The following C1orf105 variants were observed in gnomAD, a reference collection of about 807,000 sequenced individuals.
C1orf105 encodes the protein chromosome 1 open reading frame 105.
In C1orf105, 17 loss-of-function variants were observed where a neutral mutation model predicts 20.8. The observed-to-expected ratio is 0.82, with a 90% CI of 0.56 to 1.23. C1orf105 has a LOEUF of 1.23. C1orf105 is among the 50% of genes most tolerant of loss of function. The pLI is 0.00. For synonymous variants in C1orf105, 72 were observed against 72.1 expected (o/e 1.00, Z 0.01); for missense variants, 219 against 213.5 (o/e 1.03, Z -0.16).
At chr1:172,464,540 A>C (rs1649905726) in intron 5 of C1orf105, among the ~76,000 whole-genome samples, 1 of 152,196 alleles carries the variant, frequency 6.6e-6, no homozygotes, top group Admixed American at 6.5e-5. Flanking sequence ...CACCAGGAGA[A>C]ATAGGATGTG....
chr1:172,455,568 T>G (rs1649148284), intron 3 of C1orf105, among the ~76,000 whole-genome samples: 2 of 152,238 alleles, frequency 1.3e-5, no homozygotes, highest in East Asian at 1.9e-4. Context: ...AGTTCCTATA[T>G]GCTTCCTAAG....
At chr1:172,442,276 C>G in intron 1 of C1orf105, 1 of 1,613,744 alleles carries the variant, frequency 6.2e-7, no homozygotes, top group Non-Finnish European at 8.5e-7. Flanking sequence ...GTCAGCCCAC[C>G]GGGTCTGCCC....
intron 3 of C1orf105, among the ~76,000 whole-genome samples, chr1:172,455,618 C>A (rs1649152657): frequency 6.6e-6 from 1 of 152,146 alleles, no homozygotes; most frequent in Non-Finnish European, 1.5e-5. Context: ...CCTCCTGAAC[C>A]CAGGTGTAAA....
At chr1:172,434,754 A>G (rs528247731) in intron 1 of C1orf105, among the ~76,000 whole-genome samples, 91 of 152,376 alleles carry the variant, frequency 6.0e-4, no homozygotes, top group African/African-American at 2.0e-3. Context: ...AGATCAGAGC[A>G]GAACTGAAGG....
rs576944980 is a variant in C1orf105, at chr1:172,424,867, G to A, written c.21+3961G>A. On this transcript the variant is annotated intron_variant, in intron 1 of 6. Transcript: ENST00000367727. ...ATTTATTTTGCAACTTAAAAAGAGT[G>A]TGAGGCCCACAGTGTTCTCACTGAC... Among the ~76,000 whole-genome samples, 132 of 152,252 alleles carry A rather than the reference G, an allele frequency of 8.7e-4. 1 individual carries two copies. The highest frequency in any genetic ancestry group is 2.9e-3 in the African/African-American group (120 of 41,532).
intron 6 of C1orf105, among the ~76,000 whole-genome samples, chr1:172,467,421 A>T (rs945043603): frequency 3.3e-5 from 5 of 152,206 alleles, no homozygotes; most frequent in African/African-American, 1.2e-4. Flanking sequence ...TTTACAAGTG[A>T]TGCAGATTCC....
At chr1:172,445,245 A>G in intron 2 of C1orf105, 87 bp downstream of exon 2, 1 of 1,046,690 alleles carries the variant, frequency 9.6e-7, no homozygotes, top group Non-Finnish European at 1.4e-6. Context: ...CAATTATCAG[A>G]GGGCACATTT....
intron 3 of C1orf105, among the ~76,000 whole-genome samples, chr1:172,450,733 G>A (rs908143711): frequency 6.6e-6 from 1 of 152,184 alleles, no homozygotes; most frequent in African/African-American, 2.4e-5. Flanking sequence ...GAGCAGCCCC[G>A]TGCCTGAGGC....
chr1:172,455,341 C>T (rs12239920), intron 3 of C1orf105, among the ~76,000 whole-genome samples: 1,802 of 152,202 alleles, frequency 0.012, 41 homozygotes, highest in African/African-American at 0.041. Context: ...TCTTTCTGTT[C>T]CCCACACTTC....
intron 3 of C1orf105, among the ~76,000 whole-genome samples, chr1:172,451,783 G>GT (rs551338441): frequency 1.2e-3 from 171 of 147,804 alleles, no homozygotes; most frequent in African/African-American, 4.0e-3. Context: ...ATATCATAAG[G>GT]TTTTTTTTGA....
chr1:172,426,174 C>T (rs2071717047), intron 1 of C1orf105, among the ~76,000 whole-genome samples: 1 of 152,160 alleles, frequency 6.6e-6, no homozygotes, highest in African/African-American at 2.4e-5. Flanking sequence ...CTCTAACAAA[C>T]CAGAGTTTCT....
chr1:172,445,135 A>G lies in C1orf105; in HGVS notation c.84A>G (p.Pro28=). 4 of 1,613,090 alleles carry G rather than the reference A, an allele frequency of 2.5e-6. No homozygotes were observed. Among genetic ancestry groups the G allele is most frequent in the Non-Finnish European group, 3.4e-6 (4 of 1,179,652 alleles). ...WLSEASLVNK[P]LVLSLPRRYP... is the part of the protein sequence containing the mutation. ...GTGAGGCCAGCCTTGTAAACAAGCC[A>G]TTAGTGCTCAGCCTTCCCAGAAGGT... Residue 28 remains proline (P), a synonymous_variant, in exon 2 of 7, where the codon CCA becomes CCG. Transcript: ENST00000367727.
intron 3 of C1orf105, among the ~76,000 whole-genome samples, chr1:172,450,350 G>A (rs1648483635): frequency 6.6e-6 from 1 of 152,196 alleles, no homozygotes; most frequent in Non-Finnish European, 1.5e-5. Context: ...GGGGCACCAG[G>A]CCAGTACCTC....
intron 3 of C1orf105, among the ~76,000 whole-genome samples, chr1:172,451,888 T>TC (rs1648687258): frequency 2.0e-5 from 3 of 148,314 alleles, no homozygotes; most frequent in Admixed American, 2.0e-4. Context: ...TTTTTTTTTT[T>TC]TGAGACGGAA....
At chr1:172,444,066 C>T (rs1213624633) in intron 1 of C1orf105, 1 of 999,006 alleles carries the variant, frequency 1.0e-6, no homozygotes, top group Non-Finnish European at 1.2e-6. Context: ...GGGGCTGCGA[C>T]TGTGGCCAAG....
At chr1:172,450,297 C>A (rs74126220) in intron 3 of C1orf105, among the ~76,000 whole-genome samples, 9,130 of 152,254 alleles carry the variant, frequency 0.06, 291 homozygotes, top group Middle Eastern at 0.13. Context: ...GTCACCCCTG[C>A]AGATTGAAAC....
chr1:172,424,714 A>C (rs566152373), intron 1 of C1orf105, among the ~76,000 whole-genome samples: 2 of 152,314 alleles, frequency 1.3e-5, no homozygotes, highest in South Asian at 4.1e-4. Flanking sequence ...CTCTGAGGGT[A>C]CATTCAGAAG....
At chr1:172,464,758 TC>T (rs1346891106) in intron 5 of C1orf105, among the ~76,000 whole-genome samples, 1 of 152,000 alleles carries the variant, frequency 6.6e-6, no homozygotes, top group Non-Finnish European at 1.5e-5. Context: ...TTATCAAAAA[TC>T]CATGAAAACA....
chr1:172,445,166 C>T lies in C1orf105; in HGVS notation c.107+8C>T. 1 of 1,605,976 alleles carries T rather than the reference C, an allele frequency of 6.2e-7. No individual in the cohort carries two copies. Among genetic ancestry groups the T allele is most frequent in the East Asian group, 2.2e-5 (1 of 44,614 alleles). ...GCTCAGCCTTCCCAGAAGGTAACCT[C>T]TCAGCCACCGAGGGCAAAAGTTTTA... On this transcript the variant is annotated splice_region_variant and intron_variant, in intron 2 of 6. Coordinates refer to ENST00000367727, the MANE Select transcript of C1orf105 (RefSeq NM_139240.4).
Sources: gnomAD v4.1 joint callset for allele counts (sites outside exome capture counted in the v4.1 genomes callset) on GRCh38, gnomAD v4.1.1 for gene constraint, MANE v1.5 for transcripts, NCBI Gene and HGNC (gene_info 2026-07-23, HGNC 2026-07-21) for gene names.